ITPRID1: variants seen among roughly 807,000 people sequenced by gnomAD.
The protein encoded by ITPRID1 is ITPR interacting domain containing 1, also known as protein ITPRID1.
In ITPRID1, 96 loss-of-function variants were observed where a neutral mutation model predicts 95.4. That is an observed-to-expected ratio of 1.01 (90% CI 0.85 to 1.19). The LOEUF (loss-of-function observed/expected upper bound fraction) is 1.19. Among genes scored for constraint, ITPRID1 ranks in the 50% most tolerant of loss-of-function variants. The pLI is 0.00. For missense variants in ITPRID1, 1,339 were observed against 1,252.9 expected (o/e 1.07, Z -1.04); for synonymous variants, 510 against 453.6 (o/e 1.12, Z -1.58).
chr7:31,517,956 C>T (rs1381765990), intron 1 of ITPRID1: 1 of 152,316 alleles, frequency 6.6e-6, no homozygotes, highest in Admixed American at 6.5e-5. Flanking sequence ...CTCCCCACAA[C>T]AAAGATGTCA....
At position 31,571,731 on chromosome 7, in the gene ITPRID1, C is replaced by T. The variant is rs540528167; in HGVS notation, c.309-371C>T. Among the ~76,000 whole-genome samples, 177 of 152,304 alleles carry T rather than the reference C, an allele frequency of 1.2e-3. 1 individual carries two copies. The highest frequency in any genetic ancestry group is 1.5e-3 in the Non-Finnish European group (99 of 68,036). ...AATTAATGTAGAGTCACTTCAGTGACGGCTGGCTGTACTTCTTTCAGCATA... is the reference window on the plus strand; with the variant it reads ...AATTAATGTAGAGTCACTTCAGTGATGGCTGGCTGTACTTCTTTCAGCATA... On this transcript the variant is annotated intron_variant, in intron 6 of 14. Transcript: ENST00000615280.
At chr7:31,623,875 T>C (rs191050563) in intron 10 of ITPRID1, among the ~76,000 whole-genome samples, 16 of 152,160 alleles carry the variant, frequency 1.1e-4, no homozygotes, top group African/African-American at 3.9e-4. Flanking sequence ...GAAAACCCCA[T>C]TGTCTCAGCC....
At chr7:31,616,174 A>AT (rs1188517356) in intron 10 of ITPRID1, among the ~76,000 whole-genome samples, 1 of 148,904 alleles carries the variant, frequency 6.7e-6, no homozygotes, top group African/African-American at 2.5e-5. Flanking sequence ...GTTTTCAAGA[A>AT]TTATGATTTG....
rs1050596419 is a variant in ITPRID1 at position 31,553,505 on chromosome 7, G to T, written c.163+318G>T. On this transcript the variant is annotated intron_variant, in intron 3 of 14. Transcript: ENST00000615280. ...GGTCTGGGCATGAGGCTTCTTTCAGGTCATCAAACATTTTATTGAAAAACT... is the reference window on the plus strand; with the variant it reads ...GGTCTGGGCATGAGGCTTCTTTCAGTTCATCAAACATTTTATTGAAAAACT... 3.3e-5 allele frequency among the ~76,000 whole-genome samples: 5 copies of T among 152,134 alleles called. No individual in the cohort carries two copies. In the East Asian group the frequency reaches 9.6e-4, roughly 29 times the overall value.
rs1273612762 is a variant in ITPRID1, at chr7:31,578,492, C to T, written c.1170+58C>T. On this transcript the variant is annotated intron_variant, in intron 9 of 14. Transcript: ENST00000615280. ...GGGAAATAACCTTCACTATGACACC[C>T]TTGTTTTCCAGCCCTCATTTCACCA... 3.1e-6 allele frequency: 4 copies of T among 1,301,856 alleles called. No homozygotes were observed. In the Admixed American group the frequency reaches 7.2e-5, roughly 24 times the overall value. 80.6% of individuals were successfully genotyped at this position (1,301,856 alleles called of 1,614,324 possible).
At chr7:31,529,894 C>T in intron 1 of ITPRID1, 1 of 1,156,790 alleles carries the variant, frequency 8.6e-7, no homozygotes, top group South Asian at 1.3e-5. Flanking sequence ...TAGCTGTCTG[C>T]TCTCATTTTC....
chr7:31,617,210 T>C (rs1479693396), intron 10 of ITPRID1, among the ~76,000 whole-genome samples: 1 of 152,168 alleles, frequency 6.6e-6, no homozygotes, highest in East Asian at 1.9e-4. Context: ...ATTTCTTCTA[T>C]AAACTCAATA....
chr7:31,522,234 T>A (rs989699627), intron 1 of ITPRID1, among the ~76,000 whole-genome samples: 2 of 152,154 alleles, frequency 1.3e-5, no homozygotes, highest in Non-Finnish European at 2.9e-5. Flanking sequence ...AGACCCACGA[T>A]TAAAGTATGT....
intron 10 of ITPRID1, among the ~76,000 whole-genome samples, chr7:31,595,610 A>G (rs966696093): frequency 3.0e-4 from 46 of 152,214 alleles, no homozygotes; most frequent in African/African-American, 1.0e-3. Flanking sequence ...GAGTTCTACC[A>G]CAAGCAGTAA....
intron 1 of ITPRID1, among the ~76,000 whole-genome samples, chr7:31,529,285 T>C (rs1489939747): frequency 2.0e-5 from 3 of 152,230 alleles, no homozygotes; most frequent in Admixed American, 6.5e-5. Context: ...ATGCAAATCA[T>C]TGGGTTGGTA....
intron 10 of ITPRID1, among the ~76,000 whole-genome samples, chr7:31,615,533 A>C (rs1787119942): frequency 6.6e-6 from 1 of 152,184 alleles, no homozygotes; most frequent in Admixed American, 6.5e-5. Context: ...AAAGATGTGA[A>C]GATGTGAGTG....
intron 9 of ITPRID1, among the ~76,000 whole-genome samples, chr7:31,582,821 T>G (rs1177800912): frequency 6.6e-6 from 1 of 152,162 alleles, no homozygotes; most frequent in Non-Finnish European, 1.5e-5. Context: ...TCTCCAAATA[T>G]ACTTAAAGTT....
chr7:31,553,066 A>G lies in ITPRID1; in HGVS notation c.42A>G (p.Glu14=). The G allele has an allele frequency of 1.2e-6, 2 of 1,609,366 alleles. No homozygotes were observed. The highest frequency in any genetic ancestry group is 1.7e-6 in the Non-Finnish European group (2 of 1,177,772). Reference sequence around the variant, plus strand: ...CACAAGGATCTGACAACCTTCAGGAAGGCCAGGAAAAGAGCAAGAGAGAGA... The same window carrying G: ...CACAAGGATCTGACAACCTTCAGGAGGGCCAGGAAAAGAGCAAGAGAGAGA... ...QKSQGSDNLQ[E]GQEKSKREIL... The change falls in exon 3 of 15, where the codon GAA becomes GAG. Residue 14 remains glutamate, a synonymous_variant. Transcript: ENST00000615280.
chr7:31,650,383 T>G (rs533063671), intron 12 of ITPRID1, among the ~76,000 whole-genome samples: 1 of 152,172 alleles, frequency 6.6e-6, no homozygotes, highest in African/African-American at 2.4e-5. Flanking sequence ...GTCAAGTCTG[T>G]TAGTGGAGAG....
Position 31,642,995 on chromosome 7 carries a change from A to G in ITPRID1, c.1625A>G (p.Gln542Arg). The change falls in exon 12 of 15, where the codon CAG becomes CGG. Residue 542 changes from glutamine (Q) to arginine (R), a missense_variant. Gln to Arg is a conservative substitution (Grantham distance 43). Transcript: ENST00000615280. ...ECPRKDSHLWQLLPMPHAEYE... is the reference protein window; with the variant it reads ...ECPRKDSHLWRLLPMPHAEYE... ...CCAAGGAAAGACAGCCATCTGTGGC[A>G]GCTTCTGCCAATGCCCCATGCTGAG... The G allele has an allele frequency of 6.2e-7, 1 of 1,614,028 alleles. No individual in the cohort carries two copies. The highest frequency in any genetic ancestry group is 1.3e-5 in the African/African-American group (1 of 75,066).
chr7:31,564,746 G>A (rs1784738840), intron 5 of ITPRID1, among the ~76,000 whole-genome samples: 1 of 152,192 alleles, frequency 6.6e-6, no homozygotes, highest in African/African-American at 2.4e-5. Context: ...CCTGGAGCCA[G>A]ACAGGTAATT....
rs1023245420 is a variant in ITPRID1 at position 31,655,968 on chromosome 7, A to T, written c.*3139A>T. On this transcript the variant is annotated 3_prime_UTR_variant, in exon 15 of 15. Coordinates refer to ENST00000615280, the MANE Select transcript of ITPRID1 (RefSeq NM_001257967.3). ...ATCCCTCAGATGAATCTCCAATTCTATTCCCCTAAACCACCTCCTGTGTTC... is the reference window on the plus strand; with the variant it reads ...ATCCCTCAGATGAATCTCCAATTCTTTTCCCCTAAACCACCTCCTGTGTTC... The T allele has an allele frequency of 4.1e-6, 4 of 985,258 alleles. No homozygotes were observed. The highest frequency in any genetic ancestry group is 3.6e-6 in the Non-Finnish European group (3 of 829,942). The allele number at this position is 985,258 out of a possible 1,614,324, so 61.0% of individuals were successfully genotyped here.
At chr7:31,523,109 TA>T (rs1362094184) in intron 1 of ITPRID1, among the ~76,000 whole-genome samples, 1 of 152,234 alleles carries the variant, frequency 6.6e-6, no homozygotes. Context: ...TTGCATTAAG[TA>T]GATACCCATG....
At chr7:31,599,103 A>T (rs2128158712) in intron 10 of ITPRID1, among the ~76,000 whole-genome samples, 1 of 152,326 alleles carries the variant, frequency 6.6e-6, no homozygotes, top group East Asian at 1.9e-4. Context: ...AGAAGAATGA[A>T]AGTATAAGAA....
Sources: allele counts gnomAD v4.1 joint callset (sites outside exome capture counted in the v4.1 genomes callset), GRCh38; gene constraint gnomAD v4.1.1; transcripts MANE v1.5; gene names NCBI Gene and HGNC (gene_info 2026-07-23, HGNC 2026-07-21).